Variants in FES observed in about 807,000 individuals in gnomAD.
FES encodes the protein FES proto-oncogene, tyrosine kinase.
A neutral mutation model predicts 109.6 loss-of-function variants in FES; 83 were observed. The observed-to-expected ratio is 0.76, with a 90% confidence interval of 0.63 to 0.91. The LOEUF (loss-of-function observed/expected upper bound fraction) is 0.91. Among genes scored for constraint, FES ranks in the 40% least tolerant of loss-of-function variants. The probability of loss-of-function intolerance (pLI) is 0.00; values close to 1 mark genes in which losing one functional copy is unlikely to be tolerated. For synonymous variants in FES, 458 were observed against 442.1 expected, an observed-to-expected ratio of 1.04 and a Z score of -0.45; for missense variants, 943 against 1,070.9, an observed-to-expected ratio of 0.88 and a Z score of 1.67.
At chr15:90,888,865 CCTCCCAGGCTCAAGCGATT>C (rs1379751262) in intron 5 of FES, among the ~76,000 whole-genome samples, 1 of 151,924 alleles carries the variant, frequency 6.6e-6, no homozygotes, top group Non-Finnish European at 1.5e-5. Flanking sequence ...GCAACCTCCA[CCTCCCAGGCTCAAGCGATT>C]CTCTTGCCTC....
At position 90,889,156 on chromosome 15, in the gene FES, TTAAA is replaced by T; in HGVS notation, c.669-146_669-143del. 1 of 923,272 alleles carries T rather than the reference TTAAA, an allele frequency of 1.1e-6. No homozygotes were observed. The highest frequency in any genetic ancestry group is 1.6e-5 in the South Asian group (1 of 60,992). The allele number at this position is 923,272 out of a possible 1,614,324, so 57.2% of individuals were successfully genotyped here. On this transcript the variant is annotated intron_variant, in intron 5 of 18. Coordinates refer to ENST00000328850, the MANE Select transcript of FES (RefSeq NM_002005.4). The surrounding 1 kb of genome is among the most constrained non-coding windows in gnomAD (Gnocchi z 6.1). ...CAGGAAATAGAAGATTAGGGAGAGG[TTAAA>T]TAATTTGCCTAGAGTGGCATGGCTA...
At position 90,893,324 on chromosome 15, in the gene FES, G is replaced by A; in HGVS notation, c.1955G>A (p.Gly652Glu). Reference sequence around the variant, plus strand: ...TTCCTGACCTTCCTCCGCACGGAGGGGGCCCGCCTGCGGGTGAAGACTCTG... The same window carrying A: ...TTCCTGACCTTCCTCCGCACGGAGGAGGCCCGCCTGCGGGTGAAGACTCTG... ...GDFLTFLRTEGARLRVKTLLQ... is the reference protein window; with the variant it reads ...GDFLTFLRTEEARLRVKTLLQ... Residue 652 changes from glycine (G) to glutamate (E), a missense_variant, in exon 16 of 19, where the codon GGG (glycine) becomes GAG (glutamate). Physicochemically the swap from Gly to Glu is moderately conservative, Grantham distance 98. Transcript: ENST00000328850. 3 of 1,575,826 alleles carry A rather than the reference G, an allele frequency of 1.9e-6. No homozygotes were observed. Among genetic ancestry groups the A allele is most frequent in the Non-Finnish European group, 2.6e-6 (3 of 1,160,658 alleles).
At chr15:90,891,214 C>G (rs569901538) in intron 11 of FES, 23 bp downstream of exon 11, 1 of 1,546,550 alleles carries the variant, frequency 6.5e-7, no homozygotes, top group Non-Finnish European at 8.7e-7. Context: ...GGGACCCGAG[C>G]CTTCCAGGCC....
At chr15:90,886,906 A>G (rs752716552) in intron 3 of FES, 55 bp from the exon 4 acceptor site, 42 of 1,556,904 alleles carry the variant, frequency 2.7e-5, no homozygotes, top group Non-Finnish European at 3.2e-5. Context: ...CCCAGGCAAG[A>G]ATCTTCCACA....
In FES at chr15:90,885,837, T is replaced by G. The variant is rs555524352; in HGVS notation, c.387+252T>G. Among the ~76,000 whole-genome samples, 300 of 152,300 alleles carry G rather than the reference T, an allele frequency of 2.0e-3. 3 individuals carry two copies. The highest frequency in any genetic ancestry group is 0.01 in the Middle Eastern group (3 of 294). The stretch of plus-strand genomic sequence containing the variant: ...GTGTAAGGATGAGTGACCGGTCACG[T>G]GCCTGGGAGAAGCTCAGAATCGGTA... On this transcript the variant is annotated intron_variant, in intron 3 of 18. Coordinates refer to ENST00000328850, the MANE Select transcript of FES (RefSeq NM_002005.4).
Position 90,889,148 on chromosome 15 carries a change from G to A in FES, c.669-158G>A, listed in dbSNP as rs894729648. 4 of 847,942 alleles carry A rather than the reference G, an allele frequency of 4.7e-6. No homozygotes were observed. In the African/African-American group the frequency reaches 6.8e-5, roughly 14 times the overall value. 52.5% of individuals were successfully genotyped at this position (847,942 alleles called of 1,614,324 possible). ...ATATATATCAGGAAATAGAAGATTA[G>A]GGAGAGGTTAAATAATTTGCCTAGA... is the stretch of plus-strand genomic sequence containing the variant. On this transcript the variant is annotated intron_variant, in intron 5 of 18. Coordinates refer to ENST00000328850, the MANE Select transcript of FES (RefSeq NM_002005.4). The surrounding 1 kb of genome is among the most constrained non-coding windows in gnomAD (Gnocchi z 6.1).
At chr15:90,884,726 T>C (rs1231275372) in intron 1 of FES, 182 bp downstream of exon 1, 1 of 246,788 alleles carries the variant, frequency 4.1e-6, no homozygotes, top group East Asian at 9.9e-5. Flanking sequence ...TGGGGCAGGC[T>C]TGGCCTGTCG....
At position 90,889,934 on chromosome 15, in the gene FES, G is replaced by A. The variant is rs955842955; in HGVS notation, c.1021G>A (p.Glu341Lys). Residue 341 changes from glutamate to lysine, a missense_variant, in exon 8 of 19, where the codon GAA becomes AAA. Coordinates refer to ENST00000328850, the MANE Select transcript of FES (RefSeq NM_002005.4). This position sits in a 1 kb window ranked among gnomAD's most constrained non-coding sequence, Gnocchi z 6.1. ...VTQLQQELRN[E>K]EENTHPRERV... ...GCAGCTGCAACAGGAGCTCCGGAAT[G>A]AAGAGGAGAACACCCACCCCCGGGA... The A allele has an allele frequency of 9.3e-6, 15 of 1,613,314 alleles. No individual in the cohort carries two copies. The highest frequency in any genetic ancestry group is 1.3e-5 in the African/African-American group (1 of 74,850).
Position 90,889,865 on chromosome 15 carries a change from G to A in FES, c.952G>A (p.Ala318Thr). The A allele has an allele frequency of 6.2e-7, 1 of 1,613,062 alleles. No individual in the cohort carries two copies. Among genetic ancestry groups the A allele is most frequent in the Non-Finnish European group, 8.5e-7 (1 of 1,179,736 alleles). Residue 318 changes from alanine (A) to threonine (T), a missense_variant, in exon 8 of 19, where the codon GCT becomes ACT. Coordinates refer to ENST00000328850, the MANE Select transcript of FES (RefSeq NM_002005.4). This position sits in a 1 kb window ranked among gnomAD's most constrained non-coding sequence, Gnocchi z 6.1. ...GCTGACCTCAGTGACAGATGAGCTG[G>A]CTGTGGCCACCGAGATGGTGTTCAG... The part of the protein sequence containing the change: ...HTLTSVTDEL[A>T]VATEMVFRRQ...
chr15:90,889,242 C>T lies in FES; in HGVS notation c.669-64C>T. On this transcript the variant is annotated intron_variant, in intron 5 of 18. Transcript: ENST00000328850. The surrounding 1 kb of genome is among the most constrained non-coding windows in gnomAD (Gnocchi z 6.1). ...CTGACTCCAAACCCAGGGTCCTAGG[C>T]CTGAACTGCCCAGCCTTGCCCAGCC... 9 of 1,595,156 alleles carry T rather than the reference C, an allele frequency of 5.6e-6. No homozygotes were observed. The highest frequency in any genetic ancestry group is 7.7e-6 in the Non-Finnish European group (9 of 1,171,294).
In FES at chr15:90,885,215, G is replaced by T; in HGVS notation, c.170G>T (p.Gly57Val). The T allele has an allele frequency of 6.8e-6, 11 of 1,613,568 alleles. No homozygotes were observed. Among genetic ancestry groups the T allele is most frequent in the African/African-American group, 1.3e-5 (1 of 75,076 alleles). The stretch of plus-strand genomic sequence containing the variant: ...CACCACATGTCCCTGCAGGACAGTG[G>T]GGGCCAGAGCCGGGCCATCAGCCCT... ...LLHHMSLQDSGGQSRAISPDS... is the reference protein window; with the variant it reads ...LLHHMSLQDSVGQSRAISPDS... Residue 57 changes from glycine to valine, a missense_variant, in exon 2 of 19, where the codon GGG becomes GTG. Physicochemically the swap from Gly to Val is moderately radical, Grantham distance 109. Coordinates refer to ENST00000328850, the MANE Select transcript of FES (RefSeq NM_002005.4).
rs1223551081 is a variant in FES, at chr15:90,885,307, C to T, written c.213+49C>T. 5 of 1,601,588 alleles carry T rather than the reference C, an allele frequency of 3.1e-6. No homozygotes were observed. In the African/African-American group the frequency reaches 4.0e-5, roughly 13 times the overall value. ...GGGTGCTGGCTGTATCTGCCTTCTC[C>T]TTCCTCTCCTGGGGGCCCTCTGGGG... On this transcript the variant is annotated intron_variant, in intron 2 of 18. Coordinates refer to ENST00000328850, the MANE Select transcript of FES (RefSeq NM_002005.4).
rs150771159 is a variant in FES at position 90,884,976 on chromosome 15, C to T, written c.-9-61C>T. 756 of 1,400,744 alleles carry T rather than the reference C, an allele frequency of 5.4e-4. 1 individual carries two copies. The highest frequency in any genetic ancestry group is 9.9e-4 in the Middle Eastern group (4 of 4,060). 86.8% of individuals were successfully genotyped at this position (1,400,744 alleles called of 1,614,324 possible). ...ACCCTACAGTCCCCAGTCTCCTCGT[C>T]CCATGCCTCCGTCTCCAGCTGCTGC... On this transcript the variant is annotated intron_variant, in intron 1 of 18. Coordinates refer to ENST00000328850, the MANE Select transcript of FES (RefSeq NM_002005.4).
At chr15:90,891,795 G>A in intron 12 of FES, 119 bp downstream of exon 12, 1 of 1,436,884 alleles carries the variant, frequency 7.0e-7, no homozygotes, top group Admixed American at 2.1e-5. Flanking sequence ...CATACAAGAT[G>A]CAGAGTGAGT....
At position 90,889,275 on chromosome 15, in the gene FES, C is replaced by T. The variant is rs780616733; in HGVS notation, c.669-31C>T. ...GCCCAGCCTTGCCCAGCCTGAGGCT[C>T]CCCTGACTGGGGATCCCGTCTCGGG... On this transcript the variant is annotated intron_variant, in intron 5 of 18. Transcript: ENST00000328850. The surrounding 1 kb of genome is among the most constrained non-coding windows in gnomAD (Gnocchi z 6.1). 6.2e-7 allele frequency: 1 copy of T among 1,610,664 alleles called. No individual in the cohort carries two copies. Among genetic ancestry groups the T allele is most frequent in the Non-Finnish European group, 8.5e-7 (1 of 1,178,840 alleles).
intron 13 of FES, 23 bp downstream of exon 13, chr15:90,892,134 C>A (rs756017671): frequency 3.7e-6 from 6 of 1,613,682 alleles, no homozygotes; most frequent in Non-Finnish European, 5.1e-6. Flanking sequence ...CTGCTGGCCT[C>A]CTTGTCGCTG....
chr15:90,895,349 C>T (rs1158969531), intron 18 of FES, 67 bp from the exon 19 acceptor site: 8 of 1,373,636 alleles, frequency 5.8e-6, no homozygotes, highest in Non-Finnish European at 7.7e-6. Flanking sequence ...TCATGGTATC[C>T]CCCAGAGTCT....
At position 90,885,069 on chromosome 15, in the gene FES, C is replaced by A. The variant is rs1293795941; in HGVS notation, c.24C>A (p.Cys8Ter). 1 of 1,612,500 alleles carries A rather than the reference C, an allele frequency of 6.2e-7. No homozygotes were observed. Among genetic ancestry groups the A allele is most frequent in the Admixed American group, 1.7e-5 (1 of 60,008 alleles). The change falls in exon 2 of 19, where the codon TGC (cysteine) becomes TGA (stop). Residue 8 changes from cysteine (C) to a stop codon, truncating the protein, a stop_gained. Coordinates refer to ENST00000328850, the MANE Select transcript of FES (RefSeq NM_002005.4). LOFTEE classifies it high-confidence loss of function. ...CTATGGGCTTCTCTTCCGAGCTGTG[C>A]AGCCCCCAGGGCCACGGGGTCCTGC... Reference protein sequence around the residue: MGFSSELCSPQGHGVLQQ... With the variant: MGFSSEL
At position 90,892,786 on chromosome 15, in the gene FES, T is replaced by C; in HGVS notation, c.1787T>C (p.Leu596Pro). 6.2e-7 allele frequency: 1 copy of C among 1,613,790 alleles called. No individual in the cohort carries two copies. Among genetic ancestry groups the C allele is most frequent in the Non-Finnish European group, 8.5e-7 (1 of 1,179,940 alleles). The stretch of plus-strand genomic sequence containing the variant: ...GCGGTGAAGTCTTGTCGAGAGACGC[T>C]CCCACCTGACCTCAAGGCCAAGTTT... ...LVAVKSCRET[L>P]PPDLKAKFLQ... The change falls in exon 14 of 19, where the codon CTC (leucine) becomes CCC (proline). Residue 596 changes from leucine to proline, a missense_variant. Leu to Pro is a moderately conservative substitution (Grantham distance 98, BLOSUM62 -3). Coordinates refer to ENST00000328850, the MANE Select transcript of FES (RefSeq NM_002005.4).
Sources: allele counts gnomAD v4.1 joint callset (sites outside exome capture counted in the v4.1 genomes callset), GRCh38; gene constraint gnomAD v4.1.1; non-coding constraint Gnocchi (gnomAD v3.1); transcripts MANE v1.5; gene names NCBI Gene and HGNC (gene_info 2026-07-23, HGNC 2026-07-21).